Variants in PARK7 observed in about 807,000 individuals in gnomAD.
The protein encoded by PARK7 is Parkinsonism associated deglycase.
In PARK7, 14 loss-of-function variants were observed where a neutral mutation model predicts 20.5. That is an observed-to-expected ratio of 0.68 (90% CI 0.45 to 1.07). The LOEUF (loss-of-function observed/expected upper bound fraction) is 1.07, where lower values mean the gene tolerates loss of function less well. Among genes scored for constraint, PARK7 ranks in the 50% least tolerant of loss-of-function variants. The pLI is 0.00. For missense variants in PARK7, 234 were observed against 238.1 expected (o/e 0.98, Z 0.11); for synonymous variants, 98 against 84.3 (o/e 1.16, Z -0.89).
intron 6 of PARK7, among the ~76,000 whole-genome samples, chr1:7,983,225 A>G (rs1640747544): frequency 6.6e-6 from 1 of 152,254 alleles, no homozygotes; most frequent in African/African-American, 2.4e-5. Context: ...CTGTGCCCTC[A>G]GGGTGTTCTC....
intron 2 of PARK7, among the ~76,000 whole-genome samples, chr1:7,963,795 T>C (rs1640264642): frequency 6.6e-6 from 1 of 150,596 alleles, no homozygotes; most frequent in Non-Finnish European, 1.5e-5. Flanking sequence ...ATCCTCGCAC[T>C]CTTGTGTATC....
intron 6 of PARK7, among the ~76,000 whole-genome samples, chr1:7,980,637 G>T (rs1048298771): frequency 1.3e-5 from 2 of 152,050 alleles, no homozygotes; most frequent in Admixed American, 6.6e-5. Context: ...GTAGCAAAAG[G>T]CTCCCACACA....
intron 6 of PARK7, among the ~76,000 whole-genome samples, chr1:7,978,198 A>AT (rs1392122969): frequency 6.6e-6 from 1 of 151,132 alleles, no homozygotes; most frequent in Non-Finnish European, 1.5e-5. Flanking sequence ...GGGTTTCTCC[A>AT]TGTTGGTCAT....
chr1:7,970,872 T>G (rs766768308), intron 4 of PARK7, 22 bp from the exon 5 acceptor site: 3 of 1,613,528 alleles, frequency 1.9e-6, no homozygotes, highest in Admixed American at 1.7e-5. Flanking sequence ...ACTTTATGTA[T>G]TTTTGGTTTT....
intron 2 of PARK7, among the ~76,000 whole-genome samples, chr1:7,964,170 T>G (rs1262104842): frequency 6.6e-6 from 1 of 152,172 alleles, no homozygotes; most frequent in Non-Finnish European, 1.5e-5. Flanking sequence ...TGTTTATATA[T>G]TATCTCTCTC....
rs759770337 is a variant in PARK7, at chr1:7,977,636, T to C, written c.323-16T>C. On this transcript the variant is annotated splice_polypyrimidine_tract_variant and intron_variant, in intron 5 of 6. Transcript: ENST00000338639. ...TTTCTATATCTGCACTTAGATCTTT[T>C]TATTTTTATTCTTAGGTCCTACTGC... 8 of 1,609,746 alleles carry C rather than the reference T, an allele frequency of 5.0e-6. No homozygotes were observed. Among genetic ancestry groups the C allele is most frequent in the Middle Eastern group, 1.7e-4 (1 of 6,058 alleles).
chr1:7,977,750 C>T lies in PARK7; in HGVS notation c.409+12C>T, dbSNP rs1640616227. 2 of 1,609,708 alleles carry T rather than the reference C, an allele frequency of 1.2e-6. No homozygotes were observed. The highest frequency in any genetic ancestry group is 3.3e-5 in the Admixed American group (2 of 59,954). On this transcript the variant is annotated intron_variant, in intron 6 of 6. Transcript: ENST00000338639. ...AATGATGAATGGAGGTAAGTATATG[C>T]TTGTTTTTGTTTGTTTGTTTGTTTT...
chr1:7,974,774 AG>A (rs558171514), intron 5 of PARK7, among the ~76,000 whole-genome samples: 51 of 151,862 alleles, frequency 3.4e-4, no homozygotes, highest in Non-Finnish European at 6.8e-4. Context: ...AATTGAGATG[AG>A]GGTTATGGGA....
In PARK7 at chr1:7,985,132, A is replaced by G; in HGVS notation, c.*78A>G. ...TCACTGTGTTCGCTCTAAACAAAAC[A>G]GTGGTAGGTTAATGTGTTCAGAAGT... On this transcript the variant is annotated 3_prime_UTR_variant, in exon 7 of 7. Coordinates refer to ENST00000338639, the MANE Select transcript of PARK7 (RefSeq NM_007262.5). 6.4e-7 allele frequency: 1 copy of G among 1,554,518 alleles called. No homozygotes were observed. Among genetic ancestry groups the G allele is most frequent in the Non-Finnish European group, 8.7e-7 (1 of 1,149,304 alleles).
rs34231723 is a variant in PARK7, at chr1:7,977,985, C to CTTTTTTT, written c.409+270_409+276dup. Among the ~76,000 whole-genome samples, 22 of 53,578 alleles carry CTTTTTTT rather than the reference C, an allele frequency of 4.1e-4. 6 individuals carry two copies. The East Asian group carries it at 0.01, about 25-fold the overall frequency. 35.1% of individuals were successfully genotyped at this position (53,578 alleles called of 152,430 possible). Reference sequence around the variant, plus strand: ...ATGTTGGTCAGGCTGGTCTCAAACTCTTTTTTTTTTTTTTTTTTTTTTTTT... The same window carrying CTTTTTTT: ...ATGTTGGTCAGGCTGGTCTCAAACTCTTTTTTTTTTTTTTTTTTTTTTTTTTTTTTTT... On this transcript the variant is annotated intron_variant, in intron 6 of 6. Transcript: ENST00000338639.
intron 3 of PARK7, among the ~76,000 whole-genome samples, chr1:7,965,691 TTAGA>T (rs1230045511): frequency 2.0e-5 from 3 of 152,184 alleles, no homozygotes; most frequent in African/African-American, 7.2e-5. Flanking sequence ...GGGTTGGTGC[TTAGA>T]TGGATGGCTG....
At chr1:7,976,870 G>A (rs1338138314) in intron 5 of PARK7, among the ~76,000 whole-genome samples, 37 of 152,012 alleles carry the variant, frequency 2.4e-4, no homozygotes, top group African/African-American at 7.5e-4. Context: ...ACAGGCGCCC[G>A]CCACCACGCA....
rs1640721050 is a variant in PARK7 at position 7,981,978 on chromosome 1, T to C, written c.410-2916T>C. Among the ~76,000 whole-genome samples, 3 of 128,622 alleles carry C rather than the reference T, an allele frequency of 2.3e-5. No individual in the cohort carries two copies. In the Admixed American group the frequency reaches 2.4e-4, roughly 10 times the overall value. The allele number at this position is 128,622 out of a possible 152,430, so 84.4% of individuals were successfully genotyped here. ...CAGCCCCCCCGCCTTTTTTTTTTTT[T>C]TTTTTTTTTTTTTTTGAGACGGAGT... On this transcript the variant is annotated intron_variant, in intron 6 of 6. Transcript: ENST00000338639.
rs182629389 is a variant in PARK7, at chr1:7,970,058, G to A, written c.252+654G>A. Among the ~76,000 whole-genome samples, 437 of 152,180 alleles carry A rather than the reference G, an allele frequency of 2.9e-3. 3 individuals carry two copies. The highest frequency in any genetic ancestry group is 8.1e-3 in the African/African-American group (335 of 41,518). On this transcript the variant is annotated intron_variant, in intron 4 of 6. Coordinates refer to ENST00000338639, the MANE Select transcript of PARK7 (RefSeq NM_007262.5). ...AATTTTCTTTTAATTAGCTGGGCAC[G>A]GTGGTGCACACTTGTAGTCCCAGCT...
chr1:7,971,061 G>C (rs1175814913), intron 5 of PARK7, 98 bp downstream of exon 5: 2 of 1,240,976 alleles, frequency 1.6e-6, no homozygotes, highest in Admixed American at 3.5e-5. Flanking sequence ...CCTTCATAAA[G>C]CATGCAGGGC....
intron 6 of PARK7, among the ~76,000 whole-genome samples, chr1:7,978,486 G>A (rs1183884967): frequency 3.3e-5 from 5 of 150,614 alleles, no homozygotes; most frequent in East Asian, 4.0e-4. Context: ...TCCGCCTCCC[G>A]GGTTCAAGGG....
At chr1:7,970,249 G>A (rs887760644) in intron 4 of PARK7, among the ~76,000 whole-genome samples, 1 of 152,124 alleles carries the variant, frequency 6.6e-6, no homozygotes, top group South Asian at 2.1e-4. Context: ...GGACCGTTAT[G>A]AACAGATGTC....
intron 4 of PARK7, among the ~76,000 whole-genome samples, chr1:7,970,137 G>T (rs1286231465): frequency 6.6e-6 from 1 of 152,134 alleles, no homozygotes; most frequent in African/African-American, 2.4e-5. Flanking sequence ...TGAGGCTGCA[G>T]TGAGCTGTGA....
chr1:7,973,671 G>A (rs982839931), intron 5 of PARK7, among the ~76,000 whole-genome samples: 3 of 151,536 alleles, frequency 2.0e-5, no homozygotes, highest in African/African-American at 4.9e-5. Flanking sequence ...CCAAGATTGC[G>A]CCATTGCACT....
Sources: allele counts gnomAD v4.1 joint callset (sites outside exome capture counted in the v4.1 genomes callset), GRCh38; gene constraint gnomAD v4.1.1; transcripts MANE v1.5; gene names NCBI Gene and HGNC (gene_info 2026-07-23, HGNC 2026-07-21).